The following XKR4 variants were observed in gnomAD, a reference collection of about 807,000 sequenced individuals.
The protein encoded by XKR4 is XK related 4, also known as XK-related protein 4.
Under a neutral mutation model 53.9 loss-of-function variants are expected in XKR4, and 12 were observed. That is an observed-to-expected ratio of 0.22 (90% confidence interval 0.14 to 0.36). The LOEUF (loss-of-function observed/expected upper bound fraction) is 0.36, where lower values mean the gene tolerates loss of function less well. Among genes scored for constraint, XKR4 ranks in the 10% least tolerant of loss-of-function variants. The probability of loss-of-function intolerance (pLI) is 1.00; values close to 1 mark genes in which losing one functional copy is unlikely to be tolerated. For synonymous variants in XKR4, 354 were observed against 362.4 expected (o/e 0.98, Z 0.26); for missense variants, 799 against 859.5 (o/e 0.93, Z 0.88).
chr8:55,307,011 A>C (rs933227946), intron 1 of XKR4, among the ~76,000 whole-genome samples: 2 of 151,714 alleles, frequency 1.3e-5, no homozygotes, highest in African/African-American at 4.8e-5. Context: ...TCACAGACTT[A>C]AATGTACATT....
At chr8:55,512,085 T>A (rs1806634683) in intron 2 of XKR4, among the ~76,000 whole-genome samples, 1 of 152,090 alleles carries the variant, frequency 6.6e-6, no homozygotes, top group Non-Finnish European at 1.5e-5. Context: ...CTCAAATCCA[T>A]GAAAAATGGG....
At chr8:55,255,283 C>A (rs1273036310) in intron 1 of XKR4, among the ~76,000 whole-genome samples, 1 of 152,028 alleles carries the variant, frequency 6.6e-6, no homozygotes, top group African/African-American at 2.4e-5. Context: ...CTTCTCAGAG[C>A]CTACAGTCAG....
At chr8:55,303,429 G>A (rs930041458) in intron 1 of XKR4, among the ~76,000 whole-genome samples, 1 of 152,172 alleles carries the variant, frequency 6.6e-6, no homozygotes, top group Non-Finnish European at 1.5e-5. Flanking sequence ...TTGCATCAAT[G>A]TTCATCAAGG....
intron 1 of XKR4, among the ~76,000 whole-genome samples, chr8:55,191,147 C>T (rs1817439598): frequency 1.3e-5 from 2 of 152,130 alleles, no homozygotes; most frequent in African/African-American, 4.8e-5. Flanking sequence ...GGATCCTTCT[C>T]CAAGCTATTC....
intron 2 of XKR4, among the ~76,000 whole-genome samples, chr8:55,364,090 C>T (rs1179545356): frequency 1.3e-5 from 2 of 152,300 alleles, no homozygotes; most frequent in East Asian, 1.9e-4. Context: ...GAGAGGGGGG[C>T]TTACAGCACT....
intron 1 of XKR4, among the ~76,000 whole-genome samples, chr8:55,107,922 G>A (rs1178811684): frequency 2.0e-5 from 3 of 152,120 alleles, no homozygotes; most frequent in Non-Finnish European, 2.9e-5. Context: ...TATGTGCAAG[G>A]CACTGTGCTT....
Position 55,480,352 on chromosome 8 carries a change from C to T in XKR4, c.1007-42929C>T, listed in dbSNP as rs189617050. Among the ~76,000 whole-genome samples the T allele has an allele frequency of 3.0e-4, 45 of 152,268 alleles. No homozygotes were observed. The East Asian group carries it at 4.6e-3, about 16-fold the overall frequency. Reference sequence around the variant, plus strand: ...AAACGCCTTTGACAAAATTCAATAACGCTTCATGCTAAAAACTCTCAATTA... The same window carrying T: ...AAACGCCTTTGACAAAATTCAATAATGCTTCATGCTAAAAACTCTCAATTA... On this transcript the variant is annotated intron_variant, in intron 2 of 2. Coordinates refer to ENST00000327381, the MANE Select transcript of XKR4 (RefSeq NM_052898.2).
intron 2 of XKR4, among the ~76,000 whole-genome samples, chr8:55,473,508 T>C (rs762769523): frequency 1.1e-4 from 16 of 152,130 alleles, no homozygotes; most frequent in African/African-American, 1.9e-4. Flanking sequence ...CTCCACATAA[T>C]TGGTATAGCT....
chr8:55,180,816 A>ATC (rs1239879712), intron 1 of XKR4, among the ~76,000 whole-genome samples: 3 of 152,096 alleles, frequency 2.0e-5, no homozygotes, highest in Non-Finnish European at 4.4e-5. Context: ...TACAGGTATA[A>ATC]GCCACCGCAC....
intron 1 of XKR4, among the ~76,000 whole-genome samples, chr8:55,324,127 G>T (rs561318663): frequency 6.6e-6 from 1 of 152,112 alleles, no homozygotes; most frequent in Non-Finnish European, 1.5e-5. Context: ...ACAAGGTCTT[G>T]CTCTGTCACC....
At chr8:55,106,331 T>C (rs1380312068) in intron 1 of XKR4, among the ~76,000 whole-genome samples, 1 of 152,146 alleles carries the variant, frequency 6.6e-6, no homozygotes, top group East Asian at 1.9e-4. Flanking sequence ...CTAAAAGCAA[T>C]GATACATATT....
chr8:55,454,351 G>C (rs895221981), intron 2 of XKR4: 3 of 1,507,782 alleles, frequency 2.0e-6, no homozygotes, highest in Non-Finnish European at 1.8e-6. Context: ...CCAGCAGCTG[G>C]GCCGGCAGGA....
chr8:55,474,647 G>A lies in XKR4; in HGVS notation c.1007-48634G>A, dbSNP rs147161134. 2.5e-3 allele frequency among the ~76,000 whole-genome samples: 388 copies of A among 152,258 alleles called. 3 individuals are homozygous for A. Among genetic ancestry groups the A allele is most frequent in the African/African-American group, 8.9e-3 (371 of 41,512 alleles). ...TTAAGTTATTATTGGAGCAGATGCT[G>A]AGTATCCATCTCCCCTGACTCTCAG... On this transcript the variant is annotated intron_variant, in intron 2 of 2. Transcript: ENST00000327381.
chr8:55,395,663 GA>G (rs1319588892), intron 2 of XKR4, among the ~76,000 whole-genome samples: 9 of 152,130 alleles, frequency 5.9e-5, no homozygotes. Context: ...AAGTGGGCTG[GA>G]AAAGCAAGTG....
In XKR4 at chr8:55,427,391, A is replaced by G. The variant is rs926782311; in HGVS notation, c.1006+69514A>G. 1.8e-4 allele frequency among the ~76,000 whole-genome samples: 27 copies of G among 152,264 alleles called. No homozygotes were observed. The East Asian group carries it at 5.2e-3, about 29-fold the overall frequency. On this transcript the variant is annotated intron_variant, in intron 2 of 2. Coordinates refer to ENST00000327381, the MANE Select transcript of XKR4 (RefSeq NM_052898.2). ...CCAATTCTTTAAAAAAAATTTTTTT[A>G]ATAGAGACAAGGTCTCACTATGTTG...
chr8:55,184,902 C>G (rs1015286839), intron 1 of XKR4, among the ~76,000 whole-genome samples: 9 of 151,560 alleles, frequency 5.9e-5, no homozygotes, highest in Non-Finnish European at 8.8e-5. Flanking sequence ...AATATGCAAC[C>G]AAAGGGTTAT....
At chr8:55,158,950 C>G (rs1351289847) in intron 1 of XKR4, among the ~76,000 whole-genome samples, 2 of 152,146 alleles carry the variant, frequency 1.3e-5, no homozygotes, top group Non-Finnish European at 2.9e-5. Flanking sequence ...TTAGAATTAC[C>G]TCGGACATTC....
chr8:55,442,850 A>G (rs1805290119), intron 2 of XKR4, among the ~76,000 whole-genome samples: 1 of 152,176 alleles, frequency 6.6e-6, no homozygotes, highest in African/African-American at 2.4e-5. Context: ...CTGCTAATAG[A>G]AATGTGGTTT....
intron 2 of XKR4, among the ~76,000 whole-genome samples, chr8:55,490,821 C>T (rs143144557): frequency 7.5e-4 from 114 of 152,140 alleles, no homozygotes; most frequent in African/African-American, 2.5e-3. Context: ...TGTGCGCACG[C>T]GCATGCTTGT....
Sources: allele counts gnomAD v4.1 joint callset (sites outside exome capture counted in the v4.1 genomes callset), GRCh38; gene constraint gnomAD v4.1.1; transcripts MANE v1.5; gene names NCBI Gene and HGNC (gene_info 2026-07-23, HGNC 2026-07-21).